The following DSCAM variants were observed in gnomAD, a reference collection of about 807,000 sequenced individuals.
DSCAM encodes DS cell adhesion molecule, also known as cell adhesion molecule DSCAM.
Under a neutral mutation model 217.7 loss-of-function variants are expected in DSCAM, and 47 were observed. That is an observed-to-expected ratio of 0.22 (90% confidence interval 0.17 to 0.28). DSCAM has a LOEUF of 0.28. DSCAM is among the 10% of genes least tolerant of loss of function. The pLI is 1.00. For missense variants in DSCAM, 2,080 were observed against 2,618.3 expected (o/e 0.79, Z 4.49); for synonymous variants, 1,056 against 1,015.3 (o/e 1.04, Z -0.76).
chr21:40,252,454 C>G (rs1490708345), intron 11 of DSCAM, among the ~76,000 whole-genome samples: 2 of 152,088 alleles, frequency 1.3e-5, no homozygotes, highest in Non-Finnish European at 2.9e-5. Context: ...TTGTTTTCCT[C>G]CTTTGTTTCC....
intron 3 of DSCAM, among the ~76,000 whole-genome samples, chr21:40,608,889 G>C: frequency 6.6e-6 from 1 of 152,112 alleles, no homozygotes; most frequent in Non-Finnish European, 1.5e-5. Context: ...TTTTCACCCT[G>C]GGTAATTTGC....
In DSCAM at chr21:40,620,905, C is replaced by G. The variant is rs149743827; in HGVS notation, c.508+71905G>C. Among the ~76,000 whole-genome samples the G allele has an allele frequency of 2.0e-5, 3 of 152,292 alleles. No homozygotes were observed. In the South Asian group the frequency reaches 6.2e-4, roughly 32 times the overall value. ...CGGGTTCCATTTATACAAGGGAATA[C>G]GACTCAGCGTGCACTGATGCGTGTG... On this transcript the variant is annotated intron_variant, in intron 3 of 32. Coordinates refer to ENST00000400454, the MANE Select transcript of DSCAM (RefSeq NM_001389.5).
At chr21:40,121,857 A>C (rs537489296) in intron 20 of DSCAM, among the ~76,000 whole-genome samples, 2 of 151,664 alleles carry the variant, frequency 1.3e-5, no homozygotes, top group Middle Eastern at 3.4e-3. Flanking sequence ...ACACCTGGCT[A>C]ATTTTTGTAT....
intron 3 of DSCAM, among the ~76,000 whole-genome samples, chr21:40,567,505 A>C (rs2076773794): frequency 6.6e-6 from 1 of 152,112 alleles, no homozygotes; most frequent in South Asian, 2.1e-4. Flanking sequence ...GCCGTTTTTT[A>C]TTAGTTATCC....
chr21:40,685,960 CAGAG>C (rs1023643816), intron 3 of DSCAM, among the ~76,000 whole-genome samples: 2 of 148,124 alleles, frequency 1.4e-5, no homozygotes, highest in Admixed American at 6.9e-5. Context: ...AAAACAAAAA[CAGAG>C]AGAGATAGAA....
At chr21:40,359,141 T>C (rs559669032) in intron 4 of DSCAM, among the ~76,000 whole-genome samples, 2 of 152,288 alleles carry the variant, frequency 1.3e-5, no homozygotes, top group South Asian at 2.1e-4. Context: ...GGTGAAGATA[T>C]GGGGACCTGG....
rs79052483 is a variant in DSCAM at position 40,079,200 on chromosome 21, G to A, written c.4421-223C>T. The stretch of plus-strand genomic sequence containing the variant: ...GGGTGTGTGACAGAAAATTGCATGG[G>A]TGGAGGTTATTTTGGGGTATCTTAG... On this transcript the variant is annotated intron_variant, in intron 25 of 32. Coordinates refer to ENST00000400454, the MANE Select transcript of DSCAM (RefSeq NM_001389.5). 4.3e-3 allele frequency among the ~76,000 whole-genome samples: 659 copies of A among 152,320 alleles called. 4 individuals are homozygous for A. Among genetic ancestry groups the A allele is most frequent in the African/African-American group, 0.015 (609 of 41,564 alleles).
rs546848974 is a variant in DSCAM at position 40,447,228 on chromosome 21, G to C, written c.509-77983C>G. 3.9e-5 allele frequency among the ~76,000 whole-genome samples: 6 copies of C among 152,312 alleles called. No individual in the cohort carries two copies. The South Asian group carries it at 1.2e-3, about 32-fold the overall frequency. Reference sequence around the variant, plus strand: ...CGACTCCTTACAGTCTCATACCCAAGCATGGGCTGCATCATGGAAGGTGGA... The same window carrying C: ...CGACTCCTTACAGTCTCATACCCAACCATGGGCTGCATCATGGAAGGTGGA... On this transcript the variant is annotated intron_variant, in intron 3 of 32. Coordinates refer to ENST00000400454, the MANE Select transcript of DSCAM (RefSeq NM_001389.5).
chr21:40,485,596 G>A (rs1295387050), intron 3 of DSCAM, among the ~76,000 whole-genome samples: 2 of 152,002 alleles, frequency 1.3e-5, no homozygotes, highest in Non-Finnish European at 2.9e-5. Context: ...CTAATCATCA[G>A]TAGTTTTTGA....
chr21:40,347,563 G>C (rs1569076838), intron 6 of DSCAM, 107 bp downstream of exon 6: 1 of 1,440,978 alleles, frequency 6.9e-7, no homozygotes, highest in East Asian at 2.3e-5. Flanking sequence ...GTGAGACAGA[G>C]AGCCTAGAAC....
chr21:40,102,869 T>C (rs530586059), intron 20 of DSCAM, among the ~76,000 whole-genome samples: 1 of 152,186 alleles, frequency 6.6e-6, no homozygotes, highest in Non-Finnish European at 1.5e-5. Flanking sequence ...TTTATTCCAC[T>C]GTGGGTTATG....
chr21:40,174,163 G>T (rs2090692881), intron 15 of DSCAM, among the ~76,000 whole-genome samples: 1 of 152,182 alleles, frequency 6.6e-6, no homozygotes, highest in South Asian at 2.1e-4. Flanking sequence ...CTCCTTTGTT[G>T]TGGGGGCTGC....
At chr21:40,691,926 A>G (rs1238764531) in intron 3 of DSCAM, among the ~76,000 whole-genome samples, 1 of 152,246 alleles carries the variant, frequency 6.6e-6, no homozygotes, top group East Asian at 1.9e-4. Context: ...TTTAGTTCCA[A>G]ATTCTGCTCT....
intron 20 of DSCAM, among the ~76,000 whole-genome samples, chr21:40,103,955 G>T (rs1601332767): frequency 6.6e-6 from 1 of 151,780 alleles, no homozygotes; most frequent in Non-Finnish European, 1.5e-5. Context: ...AAAAGTTATT[G>T]CTATAATGTT....
intron 27 of DSCAM, among the ~76,000 whole-genome samples, chr21:40,073,891 A>C (rs2089328730): frequency 6.6e-6 from 1 of 152,184 alleles, no homozygotes; most frequent in Non-Finnish European, 1.5e-5. Flanking sequence ...GGCTGACCTG[A>C]ATTATTGGGC....
chr21:40,331,335 C>G (rs1011913047), intron 8 of DSCAM, among the ~76,000 whole-genome samples: 1 of 152,126 alleles, frequency 6.6e-6, no homozygotes, highest in Admixed American at 6.5e-5. Flanking sequence ...TCCACCTAGG[C>G]GAGATGACAT....
Position 40,369,135 on chromosome 21 carries a change from T to C in DSCAM, c.619A>G (p.Thr207Ala). ...AGTCTGGCGCTGTTGCTCTGCCTCGTCTCTCCGGTGTATCGATGCCGCGTG... is the reference window on the plus strand; with the variant it reads ...AGTCTGGCGCTGTTGCTCTGCCTCGCCTCTCCGGTGTATCGATGCCGCGTG... ...CITRHRYTGETRQSNSARLFV... is the reference protein window; with the variant it reads ...CITRHRYTGEARQSNSARLFV... Residue 207 changes from threonine (T) to alanine (A), a missense_variant, in exon 4 of 33, where the codon ACG (threonine) becomes GCG (alanine). Thr to Ala is a moderately conservative substitution (Grantham distance 58, BLOSUM62 0). This residue lies in a region of DSCAM where 568 missense variants were observed against 678.1 expected (regional missense o/e 0.84). Transcript: ENST00000400454. 6.2e-7 allele frequency: 1 copy of C among 1,612,678 alleles called. No homozygotes were observed. The highest frequency in any genetic ancestry group is 1.3e-5 in the African/African-American group (1 of 74,992).
intron 18 of DSCAM, among the ~76,000 whole-genome samples, chr21:40,138,049 GA>G (rs1203537897): frequency 8.0e-5 from 12 of 150,784 alleles, no homozygotes; most frequent in East Asian, 1.9e-4. Context: ...TTCTGACCAT[GA>G]AAAAAAAATC....
At position 40,368,203 on chromosome 21, in the gene DSCAM, C is replaced by A. The variant is rs536769313; in HGVS notation, c.655+896G>T. Among the ~76,000 whole-genome samples, 16 of 152,220 alleles carry A rather than the reference C, an allele frequency of 1.1e-4. No homozygotes were observed. In the South Asian group the frequency reaches 2.9e-3, roughly 28 times the overall value. ...CCTTCCCCTTTCTTTTCTGAACATG[C>A]CATTAGAAAATTTCTCTTTAACACA... On this transcript the variant is annotated intron_variant, in intron 4 of 32. Coordinates refer to ENST00000400454, the MANE Select transcript of DSCAM (RefSeq NM_001389.5).
Sources: gnomAD v4.1 joint callset for allele counts (sites outside exome capture counted in the v4.1 genomes callset) on GRCh38, gnomAD v4.1.1 for gene constraint, gnomAD v4.1.1 regional missense constraint, MANE v1.5 for transcripts, NCBI Gene and HGNC (gene_info 2026-07-23, HGNC 2026-07-21) for gene names.